The following CDC14B variants were observed in gnomAD, a reference collection of about 807,000 sequenced individuals.
CDC14B encodes the protein dual specificity protein phosphatase CDC14B.
Under a neutral mutation model 64.2 loss-of-function variants are expected in CDC14B, and 22 were observed. The ratio of observed to expected loss-of-function variants is 0.34; its 90% CI spans 0.24 to 0.49. The LOEUF is 0.49. CDC14B is among the 20% of genes least tolerant of loss of function. CDC14B has a pLI of 0.99. For missense variants in CDC14B, 498 were observed against 629.9 expected (o/e 0.79, Z 2.24); for synonymous variants, 191 against 215.8 (o/e 0.89, Z 1.01).
intron 5 of CDC14B, among the ~76,000 whole-genome samples, chr9:96,543,359 A>G (rs1840360936): frequency 6.6e-6 from 1 of 151,922 alleles, no homozygotes. Context: ...AAAAACTTCT[A>G]GCCTCAAGCA....
chr9:96,603,463 T>C (rs548013430), intron 1 of CDC14B, among the ~76,000 whole-genome samples: 2 of 152,316 alleles, frequency 1.3e-5, no homozygotes, highest in South Asian at 4.1e-4. Flanking sequence ...GGGCCAGGCA[T>C]AGGCCAATGA....
chr9:96,525,465 G>A lies in CDC14B; in HGVS notation c.947-1740C>T, dbSNP rs555057276. Among the ~76,000 whole-genome samples the A allele has an allele frequency of 9.9e-5, 15 of 151,888 alleles. No individual in the cohort carries two copies. In the South Asian group the frequency reaches 3.1e-3, roughly 32 times the overall value. On this transcript the variant is annotated intron_variant, in intron 9 of 13. Transcript: ENST00000375241. Reference sequence around the variant, plus strand: ...CACAGAGTATATAAGCTCAGGGAAGGCCTGCCTACTCCTTGATTTCACAGG... The same window carrying A: ...CACAGAGTATATAAGCTCAGGGAAGACCTGCCTACTCCTTGATTTCACAGG...
chr9:96,518,629 T>A (rs1454034521), intron 12 of CDC14B, among the ~76,000 whole-genome samples: 1 of 152,126 alleles, frequency 6.6e-6, no homozygotes, highest in African/African-American at 2.4e-5. Flanking sequence ...CACCATCTTA[T>A]TTAATCTTCC....
intron 12 of CDC14B, among the ~76,000 whole-genome samples, chr9:96,519,753 AGAG>A (rs368775830): frequency 6.7e-6 from 1 of 150,292 alleles, no homozygotes; most frequent in Non-Finnish European, 1.5e-5. Context: ...AAAAAAAAAA[AGAG>A]AAACCAATCA....
chr9:96,598,374 T>C (rs1488436071), intron 1 of CDC14B, among the ~76,000 whole-genome samples: 1 of 152,228 alleles, frequency 6.6e-6, no homozygotes, highest in Admixed American at 6.5e-5. Context: ...TCTCGCTCTG[T>C]CACCCAGGCT....
intron 5 of CDC14B, among the ~76,000 whole-genome samples, chr9:96,548,507 C>T (rs1329376999): frequency 6.6e-6 from 1 of 152,000 alleles, no homozygotes; most frequent in Admixed American, 6.6e-5. Flanking sequence ...TACATACACA[C>T]ACACTTTAAA....
At chr9:96,600,053 T>TA (rs1196618364) in intron 1 of CDC14B, among the ~76,000 whole-genome samples, 1 of 152,028 alleles carries the variant, frequency 6.6e-6, no homozygotes, top group Non-Finnish European at 1.5e-5. Context: ...GTAACTTTTC[T>TA]ATAAATCCAA....
downstream of CDC14B, among the ~76,000 whole-genome samples, chr9:96,498,251 G>T (rs1833333449): frequency 6.6e-6 from 1 of 152,178 alleles, no homozygotes; most frequent in Non-Finnish European, 1.5e-5. Flanking sequence ...CCCAGCTAAG[G>T]CACAGCCACG....
At chr9:96,544,323 A>C (rs1840499611) in intron 5 of CDC14B, among the ~76,000 whole-genome samples, 1 of 152,220 alleles carries the variant, frequency 6.6e-6, no homozygotes, top group Non-Finnish European at 1.5e-5. Context: ...TGTTAGAATA[A>C]AAACTAAACC....
intron 13 of CDC14B, among the ~76,000 whole-genome samples, chr9:96,507,311 G>GA (rs541475615): frequency 0.04 from 2,093 of 51,968 alleles, 20 homozygotes; most frequent in African/African-American, 0.081. Flanking sequence ...CATGTCAAAG[G>GA]AAAAAAAAAA....
chr9:96,597,719 G>A (rs1846181031), intron 1 of CDC14B, among the ~76,000 whole-genome samples: 1 of 152,154 alleles, frequency 6.6e-6, no homozygotes, highest in Non-Finnish European at 1.5e-5. Flanking sequence ...GAAAATGCCA[G>A]TTGGAAATCT....
chr9:96,546,784 C>T (rs1840940195), intron 5 of CDC14B, among the ~76,000 whole-genome samples: 1 of 151,864 alleles, frequency 6.6e-6, no homozygotes, highest in Middle Eastern at 3.4e-3. Context: ...GGTAAATGGC[C>T]GGGCTCGGTG....
chr9:96,599,663 C>T (rs1353104262), intron 1 of CDC14B, among the ~76,000 whole-genome samples: 1 of 152,162 alleles, frequency 6.6e-6, no homozygotes, highest in Admixed American at 6.6e-5. Flanking sequence ...TGGTGATAAA[C>T]ATGCTACGGC....
At chr9:96,497,988 A>G (rs1833323620), downstream of CDC14B, among the ~76,000 whole-genome samples, 1 of 152,210 alleles carries the variant, frequency 6.6e-6, no homozygotes, top group Non-Finnish European at 1.5e-5. Flanking sequence ...TTGACCCAGA[A>G]ACCCCTTTTG....
At chr9:96,495,801 A>G (rs759339493), downstream of CDC14B, among the ~76,000 whole-genome samples, 1 of 152,184 alleles carries the variant, frequency 6.6e-6, no homozygotes, top group Non-Finnish European at 1.5e-5. Context: ...CGGCAGGCCC[A>G]GGCAGGGTGA....
At chr9:96,608,900 C>T (rs1050209255) in intron 1 of CDC14B, among the ~76,000 whole-genome samples, 1 of 144,910 alleles carries the variant, frequency 6.9e-6, no homozygotes, top group African/African-American at 2.6e-5. Context: ...CAGACACACA[C>T]ACACACACAC....
rs569909892 is a variant in CDC14B, at chr9:96,546,740, G to A, written c.498-4848C>T. ...GGCAGGATTACAGGCGTGAGCCACC[G>A]CGCCCGGCCACGACAGTGATTTTTA... On this transcript the variant is annotated intron_variant, in intron 5 of 13. Transcript: ENST00000375241. Among the ~76,000 whole-genome samples the A allele has an allele frequency of 8.8e-5, 13 of 147,066 alleles. No individual in the cohort carries two copies. In the East Asian group the frequency reaches 1.9e-3, roughly 21 times the overall value.
Position 96,532,611 on chromosome 9 carries a change from T to C in CDC14B, c.946+1316A>G, listed in dbSNP as rs74717935. On this transcript the variant is annotated intron_variant, in intron 9 of 13. Coordinates refer to ENST00000375241, the MANE Select transcript of CDC14B (RefSeq NM_033331.4). ...ATCTGTATCTTGGTCTACTTGGGTGTGTCTCAGGGATCCCTTAAATTCTGT... is the reference window on the plus strand; with the variant it reads ...ATCTGTATCTTGGTCTACTTGGGTGCGTCTCAGGGATCCCTTAAATTCTGT... Among the ~76,000 whole-genome samples, 763 of 152,298 alleles carry C rather than the reference T, an allele frequency of 5.0e-3. 6 individuals carry two copies. Among genetic ancestry groups the C allele is most frequent in the African/African-American group, 0.017 (705 of 41,564 alleles).
At chr9:96,612,446 C>T (rs557209420) in intron 1 of CDC14B, among the ~76,000 whole-genome samples, 1 of 152,324 alleles carries the variant, frequency 6.6e-6, no homozygotes, top group Non-Finnish European at 1.5e-5. Flanking sequence ...ACTTCATATG[C>T]ATCCCCTTCA....
Sources: allele counts gnomAD v4.1 joint callset (sites outside exome capture counted in the v4.1 genomes callset), GRCh38; gene constraint gnomAD v4.1.1; transcripts MANE v1.5; gene names NCBI Gene and HGNC (gene_info 2026-07-23, HGNC 2026-07-21).